The following NRXN3 variants were observed in gnomAD, a reference collection of about 807,000 sequenced individuals.
NRXN3 encodes neurexin 3.
A neutral mutation model predicts 137.6 loss-of-function variants in NRXN3; 32 were observed. That is an observed-to-expected ratio of 0.23 (90% CI 0.18 to 0.31). NRXN3 has a LOEUF of 0.31. Among genes scored for constraint, NRXN3 ranks in the 10% least tolerant of loss-of-function variants. The pLI is 1.00. For synonymous variants in NRXN3, 798 were observed against 784.5 expected (o/e 1.02, Z -0.29); for missense variants, 1,574 against 2,062.5 (o/e 0.76, Z 4.59).
At chr14:79,257,239 A>G (rs1184685267) in intron 15 of NRXN3, among the ~76,000 whole-genome samples, 1 of 151,776 alleles carries the variant, frequency 6.6e-6, no homozygotes, top group East Asian at 2.0e-4. Context: ...ACCTCCGTTC[A>G]TGCTGAGTGG....
chr14:78,977,409 T>C (rs2099471629), intron 14 of NRXN3, among the ~76,000 whole-genome samples: 1 of 152,198 alleles, frequency 6.6e-6, no homozygotes, highest in African/African-American at 2.4e-5. Context: ...CTTCTCTCTC[T>C]CTTTTAAAGT....
At chr14:79,117,492 C>T (rs1037937600) in intron 15 of NRXN3, among the ~76,000 whole-genome samples, 2 of 152,066 alleles carry the variant, frequency 1.3e-5, no homozygotes, top group African/African-American at 4.8e-5. Context: ...TAGAAATGAT[C>T]ACTAGCTGTC....
intron 2 of NRXN3, among the ~76,000 whole-genome samples, chr14:78,252,095 C>T (rs367729710): frequency 9.9e-5 from 15 of 152,038 alleles, no homozygotes; most frequent in South Asian, 4.2e-4. Context: ...CGTCTATATC[C>T]GCTCTCAAAC....
chr14:79,204,663 C>G (rs1283349717), intron 15 of NRXN3, among the ~76,000 whole-genome samples: 1 of 152,090 alleles, frequency 6.6e-6, no homozygotes, highest in Non-Finnish European at 1.5e-5. Context: ...TTCTTGTGGG[C>G]TGACTCCAGT....
chr14:79,125,888 T>A (rs2056335645), intron 15 of NRXN3, among the ~76,000 whole-genome samples: 1 of 152,202 alleles, frequency 6.6e-6, no homozygotes, highest in Non-Finnish European at 1.5e-5. Context: ...ATTTTTCTTA[T>A]TGCCAAATAA....
At chr14:79,380,660 GTGT>G (rs2094446162) in intron 15 of NRXN3, among the ~76,000 whole-genome samples, 1 of 152,082 alleles carries the variant, frequency 6.6e-6, no homozygotes, top group African/African-American at 2.4e-5. Flanking sequence ...ATAAACATAC[GTGT>G]GCATGTGTCT....
At position 79,865,546 on chromosome 14, in the gene NRXN3, T is replaced by C. The variant is rs966696160; in HGVS notation, c.*3582T>C. 1 of 152,212 alleles carries C rather than the reference T, an allele frequency of 6.6e-6. No homozygotes were observed. The highest frequency in any genetic ancestry group is 1.5e-5 in the Non-Finnish European group (1 of 68,030). 9.4% of individuals were successfully genotyped at this position (152,212 alleles called of 1,614,324 possible). Reference sequence around the variant, plus strand: ...TGGAGTGGTTATACTATCGACTATGTTAGGAATGGGGGGGAGAAAGTCAGG... The same window carrying C: ...TGGAGTGGTTATACTATCGACTATGCTAGGAATGGGGGGGAGAAAGTCAGG... On this transcript the variant is annotated 3_prime_UTR_variant, in exon 21 of 21. Transcript: ENST00000335750.
At chr14:79,496,262 C>G (rs867328180) in intron 16 of NRXN3, among the ~76,000 whole-genome samples, 1 of 141,604 alleles carries the variant, frequency 7.1e-6, no homozygotes. Context: ...CACAGACACA[C>G]ACACACACAC....
chr14:79,565,212 T>TATATATGTGTTGTATATATAC (rs2097535219), intron 16 of NRXN3, among the ~76,000 whole-genome samples: 5 of 142,930 alleles, frequency 3.5e-5, no homozygotes, highest in Non-Finnish European at 7.6e-5. Flanking sequence ...TGTTTGTGTA[T>TATATATGTGTTGTATATATAC]ATATATGTGT....
At chr14:78,633,368 C>CACTA (rs2097540026) in intron 4 of NRXN3, among the ~76,000 whole-genome samples, 1 of 151,672 alleles carries the variant, frequency 6.6e-6, no homozygotes, top group Non-Finnish European at 1.5e-5. Flanking sequence ...AATATGCAAT[C>CACTA]ACTAAAGATT....
chr14:79,821,524 C>A (rs1021905922), intron 20 of NRXN3, among the ~76,000 whole-genome samples: 4 of 152,116 alleles, frequency 2.6e-5, no homozygotes, highest in Non-Finnish European at 5.9e-5. Flanking sequence ...GTTTTTTATT[C>A]TTTTGTTTCT....
chr14:79,326,860 AC>A (rs141435935), intron 15 of NRXN3, among the ~76,000 whole-genome samples: 3,258 of 152,234 alleles, frequency 0.021, 49 homozygotes, highest in Middle Eastern at 0.078. Context: ...CCTGTATGAT[AC>A]CTTTTGCCTT....
At chr14:79,233,750 T>A (rs2072701239) in intron 15 of NRXN3, among the ~76,000 whole-genome samples, 1 of 152,010 alleles carries the variant, frequency 6.6e-6, no homozygotes. Flanking sequence ...GGCAAGCTTT[T>A]CTAGATAAAT....
Position 78,863,031 on chromosome 14 carries a change from T to C in NRXN3, c.2275+52687T>C, listed in dbSNP as rs1472290245. 4.6e-5 allele frequency among the ~76,000 whole-genome samples: 7 copies of C among 152,136 alleles called. No homozygotes were observed. In the East Asian group the frequency reaches 1.4e-3, roughly 29 times the overall value. On this transcript the variant is annotated intron_variant, in intron 10 of 20. Transcript: ENST00000335750. Reference sequence around the variant, plus strand: ...ATGAAACCCTCTAGAGGATAATACATTTCTGATATGCCTATAGGGCTCCGT... The same window carrying C: ...ATGAAACCCTCTAGAGGATAATACACTTCTGATATGCCTATAGGGCTCCGT...
At chr14:78,300,580 G>A in intron 4 of NRXN3, 1 of 801,706 alleles carries the variant, frequency 1.2e-6, no homozygotes, top group South Asian at 1.5e-5. Context: ...TTTGCAGTGT[G>A]CTGATGTTTG....
At chr14:79,805,333 A>C in intron 20 of NRXN3, 143 bp downstream of exon 20, 3 of 376,058 alleles carry the variant, frequency 8.0e-6, no homozygotes, top group Non-Finnish European at 9.4e-6. Flanking sequence ...TATATGTATA[A>C]GTATACATAT....
chr14:78,551,217 G>T (rs2096685558), intron 4 of NRXN3, among the ~76,000 whole-genome samples: 1 of 152,184 alleles, frequency 6.6e-6, no homozygotes, highest in South Asian at 2.1e-4. Context: ...GGCTCTATTG[G>T]CATTTGCTGA....
intron 8 of NRXN3, among the ~76,000 whole-genome samples, chr14:78,775,936 T>C (rs1190213868): frequency 6.6e-6 from 1 of 152,202 alleles, no homozygotes; most frequent in African/African-American, 2.4e-5. Context: ...TGAAATCTTG[T>C]GCCATCCTAC....
At chr14:79,245,600 C>T (rs1481819514) in intron 15 of NRXN3, among the ~76,000 whole-genome samples, 22 of 152,064 alleles carry the variant, frequency 1.4e-4, no homozygotes, top group Admixed American at 1.1e-3. Flanking sequence ...GATGACTAAA[C>T]GAGGTGATTT....
Sources: allele counts gnomAD v4.1 joint callset (sites outside exome capture counted in the v4.1 genomes callset), GRCh38; gene constraint gnomAD v4.1.1; transcripts MANE v1.5; gene names NCBI Gene and HGNC (gene_info 2026-07-23, HGNC 2026-07-21).